Variants in ZDHHC15 observed in about 807,000 individuals in gnomAD.
ZDHHC15 encodes the protein palmitoyltransferase ZDHHC15.
In ZDHHC15, 19 loss-of-function variants were observed where a neutral mutation model predicts 31.7. That is an observed-to-expected ratio of 0.60 (90% confidence interval 0.42 to 0.88). The LOEUF (loss-of-function observed/expected upper bound fraction) is 0.88, where lower values mean the gene tolerates loss of function less well. Among genes scored for constraint, ZDHHC15 ranks in the 40% least tolerant of loss-of-function variants. The pLI, the probability that ZDHHC15 is intolerant of heterozygous loss-of-function variation, is 0.00. For missense variants in ZDHHC15, 209 were observed against 251.2 expected (o/e 0.83, Z 1.14); for synonymous variants, 103 against 90.0 (o/e 1.14, Z -0.82).
intron 2 of ZDHHC15, among the ~76,000 whole-genome samples, chrX:75,491,635 A>C (rs1019481228): frequency 9.0e-6 from 1 of 110,908 alleles, no homozygotes; most frequent in Admixed American, 9.7e-5. Context: ...TAATAATAAA[A>C]TAAAAGAAAA....
Position 75,505,827 on chromosome X carries a change from C to T in ZDHHC15, c.157G>A (p.Glu53Lys), listed in dbSNP as rs1051834323. 6 of 1,206,345 alleles carry T rather than the reference C, an allele frequency of 5.0e-6. No individual in the cohort carries two copies. The African/African-American group carries it at 5.3e-5, about 11-fold the overall frequency. The change falls in exon 2 of 12, where the codon GAA becomes AAA. Residue 53 changes from glutamate (E) to lysine (K), a missense_variant. Glu to Lys is a moderately conservative substitution (Grantham distance 56). Coordinates refer to ENST00000373367, the MANE Select transcript of ZDHHC15 (RefSeq NM_144969.3). ...ATTTCCAACATCATCTTACCTTTTTCTGCTGGGCTCAAAACAGTCACTGTG... is the reference window on the plus strand; with the variant it reads ...ATTTCCAACATCATCTTACCTTTTTTTGCTGGGCTCAAAACAGTCACTGTG... ...LCLVTVLSPA[E>K]KVIYLILYHA...
At chrX:75,394,683 A>G (rs935644750) in intron 10 of ZDHHC15, among the ~76,000 whole-genome samples, 1 of 112,028 alleles carries the variant, frequency 8.9e-6, no homozygotes, top group Non-Finnish European at 1.9e-5. Context: ...AACAATTCTA[A>G]GTATACTTAC....
rs1003299062 is a variant in ZDHHC15 at position 75,420,720 on chromosome X, C to T, written c.863+1144G>A. Among the ~76,000 whole-genome samples, 14 of 110,713 alleles carry T rather than the reference C, an allele frequency of 1.3e-4. 1 individual carries two copies. The highest frequency in any genetic ancestry group is 2.8e-4 in the East Asian group (1 of 3,524). ...AATACAAGAACAGAAAACCAAACAC[C>T]GCATGTTCTCACTCATAAGTGGGAG... On this transcript the variant is annotated intron_variant, in intron 9 of 11. Transcript: ENST00000373367.
At position 75,429,097 on chromosome X, in the gene ZDHHC15, T is replaced by C; in HGVS notation, c.584A>G (p.Tyr195Cys). The C allele has an allele frequency of 2.5e-6, 3 of 1,208,434 alleles. No homozygotes were observed. Among genetic ancestry groups the C allele is most frequent in the Non-Finnish European group, 3.4e-6 (3 of 894,292 alleles). ...CLYIATTVFS[Y>C]FIKYWRGELP... ...ACTTACTCTCCAGTATTTGATGAAA[T>C]AGCTGAAGACTGTCGTAGCAATGTA... Residue 195 changes from tyrosine to cysteine, a missense_variant, in exon 7 of 12, where the codon TAT becomes TGT. Transcript: ENST00000373367.
rs983214112 is a variant in ZDHHC15 at position 75,371,407 on chromosome X, G to A, written c.*1571C>T. 1.8e-5 allele frequency: 2 copies of A among 111,705 alleles called. No homozygotes were observed. Among genetic ancestry groups the A allele is most frequent in the Non-Finnish European group, 3.8e-5 (2 of 53,176 alleles). The allele number at this position is 111,705 out of a possible 1,213,427, so 9.2% of individuals were successfully genotyped here. On this transcript the variant is annotated 3_prime_UTR_variant, in exon 12 of 12. Coordinates refer to ENST00000373367, the MANE Select transcript of ZDHHC15 (RefSeq NM_144969.3). The stretch of plus-strand genomic sequence containing the variant: ...AGTCATGTCTAGTATTCTCTCAAAT[G>A]TAATGCTGACCACAATCCATTTAAT...
intron 10 of ZDHHC15, among the ~76,000 whole-genome samples, chrX:75,402,233 C>G (rs1382424835): frequency 1.8e-5 from 2 of 111,667 alleles, no homozygotes; most frequent in Non-Finnish European, 1.9e-5. Context: ...TGGGACACAG[C>G]TAGGGTGGTA....
chrX:75,491,133 C>A lies in ZDHHC15; in HGVS notation c.164-12148G>T, dbSNP rs188008097. On this transcript the variant is annotated intron_variant, in intron 2 of 11. Transcript: ENST00000373367. ...CAGCCATCCCATTACTGGGTATATACCCAAAGGATTATAAATCATGTTGCT... is the reference window on the plus strand; with the variant it reads ...CAGCCATCCCATTACTGGGTATATAACCAAAGGATTATAAATCATGTTGCT... Among the ~76,000 whole-genome samples, 118 of 111,041 alleles carry A rather than the reference C, an allele frequency of 1.1e-3. 1 individual carries two copies. Among genetic ancestry groups the A allele is most frequent in the East Asian group, 8.8e-3 (31 of 3,516 alleles).
In ZDHHC15 at chrX:75,414,473, AG is replaced by A. The variant is rs1337904869; in HGVS notation, c.967+2613del. Among the ~76,000 whole-genome samples, 13 of 90,934 alleles carry A rather than the reference AG, an allele frequency of 1.4e-4. No homozygotes were observed. The Admixed American group carries it at 1.9e-3, about 13-fold the overall frequency. 79.0% of individuals were successfully genotyped at this position (90,934 alleles called of 115,157 possible). A position where few individuals can be genotyped will look rare whatever the true frequency, so the allele number is the denominator to read the frequency against. ...GAGACACAGTCTCGCTCTGTCGCAC[AG>A]GCTGGAGTGCAGCGGCGCGATCTCG... On this transcript the variant is annotated intron_variant, in intron 10 of 11. Coordinates refer to ENST00000373367, the MANE Select transcript of ZDHHC15 (RefSeq NM_144969.3).
chrX:75,435,145 T>G (rs1009152947), intron 4 of ZDHHC15, among the ~76,000 whole-genome samples: 3 of 111,920 alleles, frequency 2.7e-5, no homozygotes, highest in Non-Finnish European at 5.6e-5. Flanking sequence ...CTCAGCTTGG[T>G]TGCTGTTGGT....
At chrX:75,517,821 G>A (rs60555466) in intron 1 of ZDHHC15, among the ~76,000 whole-genome samples, 9,834 of 109,736 alleles carry the variant, frequency 0.09, 698 homozygotes, top group African/African-American at 0.24. Context: ...AATACCTAAA[G>A]GTGAGAGCTA....
At chrX:75,442,419 A>C (rs887514317) in intron 4 of ZDHHC15, among the ~76,000 whole-genome samples, 3 of 111,966 alleles carry the variant, frequency 2.7e-5, no homozygotes, top group Non-Finnish European at 3.8e-5. Flanking sequence ...GTTTCAGCCC[A>C]AAATCTCCTT....
chrX:75,457,475 T>C (rs867099813), intron 3 of ZDHHC15, among the ~76,000 whole-genome samples: 2 of 111,375 alleles, frequency 1.8e-5, no homozygotes, highest in Non-Finnish European at 3.8e-5. Context: ...CAGAAGATCA[T>C]GGTGGGAGTG....
At chrX:75,510,416 T>C (rs1309766934) in intron 1 of ZDHHC15, among the ~76,000 whole-genome samples, 2 of 108,830 alleles carry the variant, frequency 1.8e-5, no homozygotes, top group Non-Finnish European at 3.8e-5. Flanking sequence ...ATGATTCCTA[T>C]AGGCTTGAAT....
intron 2 of ZDHHC15, among the ~76,000 whole-genome samples, chrX:75,483,630 G>A (rs1477690527): frequency 9.0e-6 from 1 of 111,702 alleles, no homozygotes; most frequent in Non-Finnish European, 1.9e-5. Flanking sequence ...TGTTGATAAC[G>A]CCTACCCACA....
chrX:75,418,046 C>A (rs1383626034), intron 9 of ZDHHC15, among the ~76,000 whole-genome samples: 1 of 111,576 alleles, frequency 9.0e-6, no homozygotes, highest in Non-Finnish European at 1.9e-5. Context: ...TGGTTTTGTT[C>A]TTTATTCCAG....
At chrX:75,463,250 G>C (rs1188150101) in intron 3 of ZDHHC15, among the ~76,000 whole-genome samples, 2 of 111,302 alleles carry the variant, frequency 1.8e-5, no homozygotes, top group Non-Finnish European at 3.8e-5. Flanking sequence ...TTCTGAATTT[G>C]AGGCAGTAAT....
intron 4 of ZDHHC15, among the ~76,000 whole-genome samples, chrX:75,444,263 A>G (rs1477405571): frequency 9.1e-6 from 1 of 110,067 alleles, no homozygotes; most frequent in Non-Finnish European, 1.9e-5. Context: ...TGTGGCACAT[A>G]TACACCATGG....
intron 4 of ZDHHC15, among the ~76,000 whole-genome samples, chrX:75,441,413 C>T (rs866906510): frequency 2.7e-5 from 3 of 111,045 alleles, no homozygotes; most frequent in Non-Finnish European, 5.7e-5. Context: ...AATTTGTTTC[C>T]GCTCTAAGGA....
chrX:75,436,389 TG>T (rs1366036285), intron 4 of ZDHHC15, among the ~76,000 whole-genome samples: 1 of 112,076 alleles, frequency 8.9e-6, no homozygotes, highest in Admixed American at 9.5e-5. Context: ...GGGTTTGGTT[TG>T]TTCTTGTTTC....
Sources: allele counts gnomAD v4.1 joint callset (sites outside exome capture counted in the v4.1 genomes callset), GRCh38; gene constraint gnomAD v4.1.1; transcripts MANE v1.5; gene names NCBI Gene and HGNC (gene_info 2026-07-23, HGNC 2026-07-21).